Variants in FYB1 observed in about 807,000 individuals in gnomAD.
FYB1 encodes FYN binding protein 1.
Under a neutral mutation model 94.1 loss-of-function variants are expected in FYB1, and 41 were observed. The observed-to-expected ratio is 0.44, with a 90% confidence interval of 0.34 to 0.57. The LOEUF (loss-of-function observed/expected upper bound fraction) is 0.57, where lower values mean the gene tolerates loss of function less well. FYB1 is among the 20% of genes least tolerant of loss of function. The pLI is 0.02. For missense variants in FYB1, 1,050 were observed against 976.8 expected (o/e 1.07, Z -1.00); for synonymous variants, 367 against 353.2 (o/e 1.04, Z -0.44).
intron 1 of FYB1, among the ~76,000 whole-genome samples, chr5:39,241,114 C>T (rs1028945346): frequency 1.3e-5 from 2 of 152,102 alleles, no homozygotes; most frequent in Non-Finnish European, 2.9e-5. Flanking sequence ...GGGAGCTCAA[C>T]ATTCAGTACA....
intron 1 of FYB1, among the ~76,000 whole-genome samples, chr5:39,241,026 A>G (rs937357049): frequency 4.6e-5 from 7 of 152,186 alleles, no homozygotes; most frequent in Admixed American, 3.9e-4. Flanking sequence ...AGCAACTTGG[A>G]TGGAGCTGGA....
In FYB1 at chr5:39,202,947, T is replaced by C; in HGVS notation, c.14A>G (p.Asn5Ser). 6.2e-7 allele frequency: 1 copy of C among 1,613,914 alleles called. No homozygotes were observed. Among genetic ancestry groups the C allele is most frequent in the Non-Finnish European group, 8.5e-7 (1 of 1,179,880 alleles). The change falls in exon 2 of 19, where the codon AAC becomes AGC. Residue 5 changes from asparagine to serine, a missense_variant. Physicochemically the swap from Asn to Ser is conservative, Grantham distance 46. Transcript: ENST00000512982. ...ATCCTCTGTCGGGTTGCCCCCCGTG[T>C]TATATTTCGCCATGAGGGACTTTAC... MAKY[N>S]TGGNPTEDVS...
In FYB1 at chr5:39,209,625, G is replaced by T. The variant is rs958688121; in HGVS notation, c.-27-6638C>A. On this transcript the variant is annotated intron_variant, in intron 1 of 18. Transcript: ENST00000512982. ...ATTACAGGCGTGAGCCACCGCACCCGGCCTATTTAGATTCTTAATGAATTA... is the reference window on the plus strand; with the variant it reads ...ATTACAGGCGTGAGCCACCGCACCCTGCCTATTTAGATTCTTAATGAATTA... Among the ~76,000 whole-genome samples the T allele has an allele frequency of 7.4e-4, 112 of 152,180 alleles. 1 individual carries two copies. The highest frequency in any genetic ancestry group is 3.4e-3 in the Middle Eastern group (1 of 294).
intron 2 of FYB1, among the ~76,000 whole-genome samples, chr5:39,170,997 G>T (rs1745202042): frequency 8.5e-5 from 13 of 152,100 alleles, no homozygotes; most frequent in Admixed American, 8.5e-4. Context: ...TTGCTTAAAA[G>T]AATTTTTAGA....
chr5:39,181,285 C>T (rs10078717), intron 2 of FYB1, among the ~76,000 whole-genome samples: 4,301 of 152,160 alleles, frequency 0.028, 211 homozygotes, highest in African/African-American at 0.098. Context: ...GCTTATATAG[C>T]GTATATAGTA....
chr5:39,254,325 GTTC>G (rs1347775543), intron 1 of FYB1, among the ~76,000 whole-genome samples: 1 of 152,086 alleles, frequency 6.6e-6, no homozygotes, highest in Non-Finnish European at 1.5e-5. Context: ...GTGTATAAGC[GTTC>G]TTTTTTCTCC....
chr5:39,171,407 C>T (rs1745238817), intron 2 of FYB1, among the ~76,000 whole-genome samples: 1 of 152,102 alleles, frequency 6.6e-6, no homozygotes, highest in Non-Finnish European at 1.5e-5. Flanking sequence ...TGAGAACTTG[C>T]TACAAATGCA....
chr5:39,121,183 C>CAAAAAAAAAAAAAAAAA (rs56376626), intron 14 of FYB1, among the ~76,000 whole-genome samples: 2 of 57,682 alleles, frequency 3.5e-5, no homozygotes, highest in East Asian at 8.8e-4. Context: ...TAATGTAAAG[C>CAAAAAAAAAAAAAAAAA]AAAAAAAAAA....
At chr5:39,138,469 T>G in intron 6 of FYB1, 188 bp downstream of exon 6, 1 of 462,122 alleles carries the variant, frequency 2.2e-6, no homozygotes. Flanking sequence ...TTTAACAGAG[T>G]CCTTTGTAGA....
Position 39,135,132 on chromosome 5 carries a change from A to G in FYB1, c.1516-118T>C, listed in dbSNP as rs1741569413. The G allele has an allele frequency of 2.6e-5, 28 of 1,088,600 alleles. No homozygotes were observed. In the South Asian group the frequency reaches 4.5e-4, roughly 17 times the overall value. The allele number at this position is 1,088,600 out of a possible 1,614,324, so 67.4% of individuals were successfully genotyped here. A position where few individuals can be genotyped will look rare whatever the true frequency, so the allele number is the denominator to read the frequency against. On this transcript the variant is annotated intron_variant, in intron 7 of 18. Transcript: ENST00000512982. ...GCTAAGCTACCTATAACCAACATTTACAGGGTTTAACCAGAAATTGAGGGT... is the reference window on the plus strand; with the variant it reads ...GCTAAGCTACCTATAACCAACATTTGCAGGGTTTAACCAGAAATTGAGGGT...
chr5:39,229,676 T>C (rs1750634212), intron 1 of FYB1, among the ~76,000 whole-genome samples: 1 of 152,206 alleles, frequency 6.6e-6, no homozygotes, highest in Non-Finnish European at 1.5e-5. Context: ...GATTGTCTAG[T>C]TTAATCCTCA....
intron 1 of FYB1, among the ~76,000 whole-genome samples, chr5:39,273,495 A>G (rs553120290): frequency 6.6e-6 from 1 of 152,374 alleles, no homozygotes; most frequent in South Asian, 2.1e-4. Flanking sequence ...CTGAGCAGGA[A>G]GATGAAACAG....
intron 1 of FYB1, among the ~76,000 whole-genome samples, chr5:39,265,712 G>A (rs1752410229): frequency 6.6e-6 from 1 of 152,066 alleles, no homozygotes; most frequent in Admixed American, 6.5e-5. Flanking sequence ...CCCCATCCTT[G>A]ACCCTCCCAG....
intron 9 of FYB1, among the ~76,000 whole-genome samples, chr5:39,130,857 AATG>A (rs1300946377): frequency 6.6e-6 from 1 of 152,148 alleles, no homozygotes; most frequent in African/African-American, 2.4e-5. Flanking sequence ...TGATATAGAA[AATG>A]ATGATATTGT....
chr5:39,174,952 T>C (rs546947335), intron 2 of FYB1, among the ~76,000 whole-genome samples: 1 of 152,326 alleles, frequency 6.6e-6, no homozygotes, highest in East Asian at 1.9e-4. Flanking sequence ...GAAACCAGTG[T>C]CTCAGCTTTT....
chr5:39,197,409 T>G (rs1351259141), intron 2 of FYB1, among the ~76,000 whole-genome samples: 1 of 152,086 alleles, frequency 6.6e-6, no homozygotes, highest in Non-Finnish European at 1.5e-5. Context: ...CCTAGTCAGG[T>G]GTGTTTAGGG....
chr5:39,273,215 G>A lies in FYB1; in HGVS notation c.-28+1188C>T, dbSNP rs146975328. Among the ~76,000 whole-genome samples the A allele has an allele frequency of 1.1e-3, 164 of 152,314 alleles. 2 individuals are homozygous for A. The highest frequency in any genetic ancestry group is 6.8e-3 in the Middle Eastern group (2 of 294). Reference sequence around the variant, plus strand: ...TGGAATAGAAAAGGGGAAAAGGTGGGGAAAAGATTGAGAAATCGGATGGTT... The same window carrying A: ...TGGAATAGAAAAGGGGAAAAGGTGGAGAAAAGATTGAGAAATCGGATGGTT... On this transcript the variant is annotated intron_variant, in intron 1 of 1. Transcript: ENST00000510188.
In FYB1 at chr5:39,163,407, G is replaced by T. The variant is rs192805268; in HGVS notation, c.1136-9803C>A. On this transcript the variant is annotated intron_variant, in intron 2 of 18. Transcript: ENST00000512982. ...AGATAATCAAAGCTGAAATTAGAAT[G>T]GAGGTGAAGAGGTAGAGATCAAAAC... is the stretch of plus-strand genomic sequence containing the variant. 2.0e-4 allele frequency among the ~76,000 whole-genome samples: 30 copies of T among 152,336 alleles called. No individual in the cohort carries two copies. The East Asian group carries it at 3.5e-3, about 18-fold the overall frequency.
chr5:39,273,582 C>T (rs1190714838), intron 1 of FYB1, among the ~76,000 whole-genome samples: 1 of 152,186 alleles, frequency 6.6e-6, no homozygotes, highest in African/African-American at 2.4e-5. Flanking sequence ...AGTATGGGCA[C>T]TGCAATTAGT....
Sources: gnomAD v4.1 joint callset for allele counts (sites outside exome capture counted in the v4.1 genomes callset) on GRCh38, gnomAD v4.1.1 for gene constraint, MANE v1.5 for transcripts, NCBI Gene and HGNC (gene_info 2026-07-23, HGNC 2026-07-21) for gene names.